SLC39A11: variants seen among roughly 807,000 people sequenced by gnomAD.
SLC39A11 encodes solute carrier family 39 member 11, also known as zinc transporter ZIP11.
SLC39A11 carries 33 observed loss-of-function variants against 36.1 expected under a neutral mutation model. That is an observed-to-expected ratio of 0.91 (90% CI 0.69 to 1.22). SLC39A11 has a LOEUF of 1.22. Ranked by LOEUF, SLC39A11 falls within the 50% of genes most tolerant of loss-of-function variation. SLC39A11 has a pLI of 0.00. For synonymous variants in SLC39A11, 166 were observed against 170.3 expected (o/e 0.97, Z 0.20); for missense variants, 432 against 430.3 (o/e 1.00, Z -0.03).
chr17:72,917,241 C>T (rs1567949221), intron 5 of SLC39A11, among the ~76,000 whole-genome samples: 1 of 152,252 alleles, frequency 6.6e-6, no homozygotes. Flanking sequence ...TCTCCACTTC[C>T]GGGGTTGGGC....
At chr17:73,026,236 G>GAGAAGA (rs2058548015) in intron 4 of SLC39A11, among the ~76,000 whole-genome samples, 1 of 151,682 alleles carries the variant, frequency 6.6e-6, no homozygotes, top group Admixed American at 6.6e-5. Context: ...GAAGAGAAAA[G>GAGAAGA]GGAAAAGCCG....
intron 6 of SLC39A11, among the ~76,000 whole-genome samples, chr17:72,773,707 G>A (rs1568067340): frequency 6.7e-6 from 1 of 148,766 alleles, no homozygotes; most frequent in Non-Finnish European, 1.5e-5. Context: ...CAGTGTCATT[G>A]CAGTGCTTCC....
intron 3 of SLC39A11, among the ~76,000 whole-genome samples, chr17:73,044,951 C>G (rs1310308858): frequency 6.6e-6 from 1 of 151,542 alleles, no homozygotes; most frequent in Non-Finnish European, 1.5e-5. Flanking sequence ...ACACCACTGA[C>G]CAAACTCACT....
chr17:72,851,933 T>A (rs1431245055), intron 5 of SLC39A11, among the ~76,000 whole-genome samples: 1 of 152,092 alleles, frequency 6.6e-6, no homozygotes. Flanking sequence ...CCAGGCGCAG[T>A]AGCTCACACC....
intron 4 of SLC39A11, among the ~76,000 whole-genome samples, chr17:73,007,033 G>A (rs150962540): frequency 1.3e-5 from 2 of 152,282 alleles, no homozygotes; most frequent in East Asian, 1.9e-4. Context: ...GAATGATGAC[G>A]CCACTGCCCA....
At chr17:72,948,349 C>T (rs1598540211) in intron 4 of SLC39A11, among the ~76,000 whole-genome samples, 1 of 150,628 alleles carries the variant, frequency 6.6e-6, no homozygotes, top group African/African-American at 2.4e-5. Context: ...GCCGCACGCA[C>T]ACAAAACCCC....
intron 3 of SLC39A11, among the ~76,000 whole-genome samples, chr17:73,070,515 T>C (rs1429771129): frequency 6.6e-6 from 1 of 152,182 alleles, no homozygotes; most frequent in Non-Finnish European, 1.5e-5. Context: ...GAAGGGAGTC[T>C]GCTTTTTCCA....
intron 6 of SLC39A11, among the ~76,000 whole-genome samples, chr17:72,816,391 C>A (rs2077584797): frequency 6.6e-6 from 1 of 150,992 alleles, no homozygotes. Context: ...ATTCTCCTGC[C>A]AGGGAAAAAA....
At chr17:72,886,774 C>T (rs982382427) in intron 5 of SLC39A11, among the ~76,000 whole-genome samples, 1 of 152,204 alleles carries the variant, frequency 6.6e-6, no homozygotes, top group Non-Finnish European at 1.5e-5. Flanking sequence ...TTGACTGTCC[C>T]TCAAATACAC....
chr17:72,688,775 C>G (rs1034614415), intron 7 of SLC39A11, among the ~76,000 whole-genome samples: 2 of 152,236 alleles, frequency 1.3e-5, no homozygotes, highest in African/African-American at 4.8e-5. Context: ...ATCCCTGGAA[C>G]CAAATTGCTG....
intron 6 of SLC39A11, among the ~76,000 whole-genome samples, chr17:72,803,812 G>T (rs1397461034): frequency 6.6e-6 from 1 of 152,126 alleles, no homozygotes; most frequent in African/African-American, 2.4e-5. Flanking sequence ...AGAGAAGCAG[G>T]TACATCCAGG....
intron 5 of SLC39A11, among the ~76,000 whole-genome samples, chr17:72,864,916 A>C (rs2080226577): frequency 6.6e-6 from 1 of 152,234 alleles, no homozygotes; most frequent in South Asian, 2.1e-4. Context: ...CGAAGGACCC[A>C]GCTAGGGAGT....
At chr17:72,649,667 A>T (rs1289475125) in intron 7 of SLC39A11, among the ~76,000 whole-genome samples, 1 of 129,106 alleles carries the variant, frequency 7.7e-6, no homozygotes. Flanking sequence ...TTTGAGATGG[A>T]GTCTCGCTCT....
At chr17:72,988,226 G>A (rs966705245) in intron 4 of SLC39A11, among the ~76,000 whole-genome samples, 1 of 152,232 alleles carries the variant, frequency 6.6e-6, no homozygotes, top group South Asian at 2.1e-4. Flanking sequence ...GCCAAGGCGG[G>A]AAGATCACCT....
chr17:72,651,854 C>T (rs1239567238), intron 7 of SLC39A11, among the ~76,000 whole-genome samples: 2 of 152,110 alleles, frequency 1.3e-5, no homozygotes, highest in Admixed American at 6.5e-5. Context: ...CCCACCACAC[C>T]AGCCCAGGAC....
intron 3 of SLC39A11, among the ~76,000 whole-genome samples, chr17:73,052,765 A>G (rs1031367121): frequency 6.6e-6 from 1 of 152,190 alleles, no homozygotes; most frequent in African/African-American, 2.4e-5. Context: ...CAGTGGCACA[A>G]TCTTGGCTCA....
At chr17:72,728,137 G>T (rs1021666991) in intron 7 of SLC39A11, among the ~76,000 whole-genome samples, 4 of 152,106 alleles carry the variant, frequency 2.6e-5, no homozygotes, top group Non-Finnish European at 2.9e-5. Context: ...TAAAGGAGGG[G>T]TCTAACGCTT....
intron 3 of SLC39A11, among the ~76,000 whole-genome samples, chr17:73,075,098 C>T (rs2060278081): frequency 6.6e-6 from 1 of 152,164 alleles, no homozygotes; most frequent in African/African-American, 2.4e-5. Context: ...CAATGACTGC[C>T]TTCTCACTCA....
intron 6 of SLC39A11, among the ~76,000 whole-genome samples, chr17:72,750,278 T>C (rs1451547854): frequency 6.6e-6 from 1 of 152,116 alleles, no homozygotes; most frequent in East Asian, 1.9e-4. Context: ...TTGGACCCGA[T>C]TGCCTTGTCA....
Sources: gnomAD v4.1 joint callset for allele counts (sites outside exome capture counted in the v4.1 genomes callset) on GRCh38, gnomAD v4.1.1 for gene constraint, MANE v1.5 for transcripts, NCBI Gene and HGNC (gene_info 2026-07-23, HGNC 2026-07-21) for gene names.